The following HEXB variants were observed in gnomAD, a reference collection of about 807,000 sequenced individuals.
The protein encoded by HEXB is hexosaminidase subunit beta.
A neutral mutation model predicts 71.2 loss-of-function variants in HEXB; 51 were observed. That is an observed-to-expected ratio of 0.72 (90% CI 0.57 to 0.90). The LOEUF (loss-of-function observed/expected upper bound fraction) is 0.90. HEXB is among the 40% of genes least tolerant of loss of function. HEXB has a pLI of 0.00. For synonymous variants in HEXB, 266 were observed against 249.3 expected, an observed-to-expected ratio of 1.07 and a Z score of -0.63; for missense variants, 617 against 677.0, an observed-to-expected ratio of 0.91 and a Z score of 0.98.
intron 11 of HEXB, chr5:74,720,156 A>C: frequency 2.1e-6 from 1 of 466,838 alleles, no homozygotes; most frequent in Non-Finnish European, 3.9e-6. Flanking sequence ...ACTGTTTAAT[A>C]CTGGCCCACT....
upstream of HEXB, among the ~76,000 whole-genome samples, chr5:74,683,448 C>T (rs938624284): frequency 2.0e-5 from 3 of 152,062 alleles, no homozygotes; most frequent in African/African-American, 7.2e-5. Flanking sequence ...GGATTACGGG[C>T]GTGTGCCAGC....
chr5:74,648,238 AC>A (rs1247299349), intron 1 of HEXB, among the ~76,000 whole-genome samples: 2 of 152,214 alleles, frequency 1.3e-5, no homozygotes, highest in Non-Finnish European at 2.9e-5. Flanking sequence ...TGCCTGAGAA[AC>A]TTGCATTGCC....
At chr5:74,683,821 C>CTT (rs35751282), upstream of HEXB, among the ~76,000 whole-genome samples, 4 of 135,800 alleles carry the variant, frequency 2.9e-5, no homozygotes, top group Admixed American at 2.2e-4. Context: ...TCTTTTCTTT[C>CTT]TTTTTTTTTT....
intron 1 of HEXB, among the ~76,000 whole-genome samples, chr5:74,673,162 A>C (rs978451801): frequency 3.9e-5 from 6 of 152,222 alleles, no homozygotes; most frequent in African/African-American, 1.4e-4. Context: ...AGGAAGAGAA[A>C]GTTGTTTTTG....
At chr5:74,708,835 T>A (rs1051748589) in intron 6 of HEXB, among the ~76,000 whole-genome samples, 5 of 151,824 alleles carry the variant, frequency 3.3e-5, no homozygotes, top group Non-Finnish European at 7.4e-5. Context: ...TCCCACACAT[T>A]AATAATGGGA....
At chr5:74,698,055 A>G (rs112416350) in intron 5 of HEXB, among the ~76,000 whole-genome samples, 2,309 of 151,444 alleles carry the variant, frequency 0.015, 53 homozygotes, top group African/African-American at 0.052. Context: ...AAACTATGCT[A>G]TTTAAAAATT....
chr5:74,663,455 T>G (rs1748369765), intron 1 of HEXB, among the ~76,000 whole-genome samples: 1 of 152,116 alleles, frequency 6.6e-6, no homozygotes, highest in Non-Finnish European at 1.5e-5. Context: ...CCTCCCAAAG[T>G]GTTGGGATTA....
chr5:74,671,837 G>A (rs977926393), intron 1 of HEXB, among the ~76,000 whole-genome samples: 2 of 152,058 alleles, frequency 1.3e-5, no homozygotes, highest in African/African-American at 4.8e-5. Flanking sequence ...AAAATCCCAG[G>A]TCCCATGATA....
chr5:74,696,646 C>A, intron 3 of HEXB, 47 bp from the exon 4 acceptor site: 1 of 986,602 alleles, frequency 1.0e-6, no homozygotes. Flanking sequence ...TTTATCATCT[C>A]AATTTGTTGA....
intron 1 of HEXB, among the ~76,000 whole-genome samples, chr5:74,643,459 G>T (rs1304738951): frequency 6.6e-6 from 1 of 152,158 alleles, no homozygotes; most frequent in African/African-American, 2.4e-5. Context: ...CACTGTATCC[G>T]CATTACACAA....
intron 5 of HEXB, among the ~76,000 whole-genome samples, chr5:74,704,235 C>T (rs1749327073): frequency 6.6e-6 from 1 of 152,266 alleles, no homozygotes; most frequent in Non-Finnish European, 1.5e-5. Flanking sequence ...CTCCTTTTAT[C>T]CTCAATATAT....
intron 1 of HEXB, among the ~76,000 whole-genome samples, chr5:74,642,540 C>T (rs1747920960): frequency 6.6e-6 from 1 of 151,940 alleles, no homozygotes; most frequent in Non-Finnish European, 1.5e-5. Flanking sequence ...TGTGGGGGAG[C>T]TCATCAAGGC....
intron 6 of HEXB, among the ~76,000 whole-genome samples, chr5:74,709,186 A>C (rs573731722): frequency 3.3e-5 from 5 of 152,262 alleles, no homozygotes; most frequent in Non-Finnish European, 5.9e-5. Flanking sequence ...CTGCTCCTGA[A>C]TGATTACTGG....
chr5:74,702,251 T>C (rs931867705), intron 5 of HEXB, among the ~76,000 whole-genome samples: 35 of 150,662 alleles, frequency 2.3e-4, no homozygotes, highest in African/African-American at 8.5e-4. Context: ...GCTAATTTTT[T>C]GTATTTTTAG....
At chr5:74,658,628 C>T (rs539310336) in intron 1 of HEXB, among the ~76,000 whole-genome samples, 14 of 152,186 alleles carry the variant, frequency 9.2e-5, no homozygotes, top group Non-Finnish European at 1.2e-4. Context: ...AAGTAAGCTT[C>T]CCTGGGTGGT....
In HEXB at chr5:74,720,568, C is replaced by G. The variant is rs540226949; in HGVS notation, c.1508+50C>G. 4 of 1,592,566 alleles carry G rather than the reference C, an allele frequency of 2.5e-6. No individual in the cohort carries two copies. The Admixed American group carries it at 5.0e-5, about 20-fold the overall frequency. ...TAAGAATTAAGGTGCCTTAGCTTTCCTTCTCTGTCTAAACACAAAAGTGCT... is the reference window on the plus strand; with the variant it reads ...TAAGAATTAAGGTGCCTTAGCTTTCGTTCTCTGTCTAAACACAAAAGTGCT... On this transcript the variant is annotated intron_variant, in intron 12 of 13. Coordinates refer to ENST00000261416, the MANE Select transcript of HEXB (RefSeq NM_000521.4).
intron 1 of HEXB, among the ~76,000 whole-genome samples, chr5:74,654,731 A>G (rs1420650181): frequency 6.6e-6 from 1 of 152,188 alleles, no homozygotes; most frequent in Admixed American, 6.5e-5. Flanking sequence ...AGGTTAAACT[A>G]GAAAGACATA....
In HEXB at chr5:74,652,646, C is replaced by T. The variant is rs1361393407; in HGVS notation, c.-377+12088C>T. ...TCATTTGAGTCATGTAAGGGATTCCCTCCCTTACCCCCACTACCCCCAGGA... is the reference window on the plus strand; with the variant it reads ...TCATTTGAGTCATGTAAGGGATTCCTTCCCTTACCCCCACTACCCCCAGGA... On this transcript the variant is annotated intron_variant, in intron 1 of 13. Coordinates refer to the HEXB transcript ENST00000511181. The surrounding 1 kb of genome is among the most constrained non-coding windows in gnomAD (Gnocchi z 5.4). 6.6e-6 allele frequency among the ~76,000 whole-genome samples: 1 copy of T among 152,140 alleles called. No homozygotes were observed. Among genetic ancestry groups the T allele is most frequent in the Non-Finnish European group, 1.5e-5 (1 of 68,024 alleles).
At chr5:74,709,982 CAA>C (rs1214258676) in intron 6 of HEXB, among the ~76,000 whole-genome samples, 1 of 149,580 alleles carries the variant, frequency 6.7e-6, no homozygotes, top group East Asian at 1.9e-4. Flanking sequence ...GAGACACAAC[CAA>C]AAAAGAGAAT....
Sources: gnomAD v4.1 joint callset for allele counts (sites outside exome capture counted in the v4.1 genomes callset) on GRCh38, gnomAD v4.1.1 for gene constraint, Gnocchi (gnomAD v3.1) non-coding constraint, MANE v1.5 for transcripts, NCBI Gene and HGNC (gene_info 2026-07-23, HGNC 2026-07-21) for gene names.